The following SCNM1 variants were observed in gnomAD, a reference collection of about 807,000 sequenced individuals.
SCNM1 encodes sodium channel modifier 1.
A neutral mutation model predicts 32.8 loss-of-function variants in SCNM1; 24 were observed. That is an observed-to-expected ratio of 0.73 (90% CI 0.53 to 1.03). The LOEUF is 1.03. Among genes scored for constraint, SCNM1 ranks in the 50% least tolerant of loss-of-function variants. The pLI is 0.00. For synonymous variants in SCNM1, 99 were observed against 103.2 expected (o/e 0.96, Z 0.25); for missense variants, 274 against 282.3 (o/e 0.97, Z 0.21).
rs1352734415 is a variant in SCNM1 at position 151,167,228 on chromosome 1, G to C, written c.309+10G>C. 6.2e-7 allele frequency: 1 copy of C among 1,614,194 alleles called. No individual in the cohort carries two copies. On this transcript the variant is annotated intron_variant, in intron 4 of 6. Transcript: ENST00000368905. Reference sequence around the variant, plus strand: ...AGAAACCAAAGCTGAGGTAATCAGAGAGTGGAGAGTGTGTTCTAGGCAAGA... The same window carrying C: ...AGAAACCAAAGCTGAGGTAATCAGACAGTGGAGAGTGTGTTCTAGGCAAGA...
At chr1:151,166,419 C>T (rs920594885) in intron 1 of SCNM1, 52 bp from the exon 2 acceptor site, 1 of 1,611,070 alleles carries the variant, frequency 6.2e-7, no homozygotes, top group Non-Finnish European at 8.5e-7. Flanking sequence ...ACTTCCACCC[C>T]TCTCTCCTAT....
rs746301499 is a variant in SCNM1, at chr1:151,166,989, A to T, written c.178A>T (p.Thr60Ser). 1 of 1,614,090 alleles carries T rather than the reference A, an allele frequency of 6.2e-7. No homozygotes were observed. Among genetic ancestry groups the T allele is most frequent in the South Asian group, 1.1e-5 (1 of 91,070 alleles). ...RPVLDTLAMLTAHRAGKKHLS... is the reference protein window; with the variant it reads ...RPVLDTLAMLSAHRAGKKHLS... ...GGTACTGGACACCCTGGCCATGCTG[A>T]CTGCCCACCGTGCAGGCAAGAAACA... Residue 60 changes from threonine to serine, a missense_variant, in exon 3 of 7, where the codon ACT becomes TCT. Coordinates refer to ENST00000368905, the MANE Select transcript of SCNM1 (RefSeq NM_024041.4).
In SCNM1 at chr1:151,168,137, T is replaced by C; in HGVS notation, c.399-7T>C. 6.2e-7 allele frequency: 1 copy of C among 1,603,550 alleles called. No homozygotes were observed. ...ACTGCTTTTACAGACTATTCTTCTC[T>C]ACCTAGACCAGAAGCCCCTGGTCCC... On this transcript the variant is annotated splice_polypyrimidine_tract_variant and splice_region_variant and intron_variant, in intron 5 of 6. Coordinates refer to ENST00000368905, the MANE Select transcript of SCNM1 (RefSeq NM_024041.4).
Position 151,167,148 on chromosome 1 carries a change from A to G in SCNM1, c.239A>G (p.Gln80Arg), listed in dbSNP as rs1683744185. The G allele has an allele frequency of 6.2e-7, 1 of 1,614,120 alleles. No individual in the cohort carries two copies. Among genetic ancestry groups the G allele is most frequent in the African/African-American group, 1.3e-5 (1 of 74,942 alleles). The part of the protein sequence containing the change: ...SSLQLFYGKK[Q>R]PGKERKQNPK... ...TTGCAGCTTTTCTATGGCAAGAAGCAGCCGGGAAAGGAAAGAAAGCAGAAT... is the reference window on the plus strand; with the variant it reads ...TTGCAGCTTTTCTATGGCAAGAAGCGGCCGGGAAAGGAAAGAAAGCAGAAT... Residue 80 changes from glutamine to arginine, a missense_variant, in exon 4 of 7, where the codon CAG (glutamine) becomes CGG (arginine). Physicochemically the swap from Gln to Arg is conservative, Grantham distance 43. Transcript: ENST00000368905.
In SCNM1 at chr1:151,167,361, G is replaced by A; in HGVS notation, c.345G>A (p.Gln115=). 1 of 1,614,150 alleles carries A rather than the reference G, an allele frequency of 6.2e-7. No homozygotes were observed. The highest frequency in any genetic ancestry group is 8.5e-7 in the Non-Finnish European group (1 of 1,180,036). The change falls in exon 5 of 7, where the codon CAG becomes CAA. Residue 115 remains glutamine (Q), a synonymous_variant. Transcript: ENST00000368905. ...PLLTQTRLIT[Q]SALHRAPHYN... is the part of the protein sequence containing the mutation. ...TAACTCAGACACGACTTATCACCCA[G>A]AGTGCTCTGCACAGAGCTCCCCACT...
At position 151,170,016 on chromosome 1, in the gene SCNM1, G is replaced by T; in HGVS notation, c.*931G>T. 6.3e-7 allele frequency: 1 copy of T among 1,583,218 alleles called. No homozygotes were observed. Among genetic ancestry groups the T allele is most frequent in the South Asian group, 1.1e-5 (1 of 90,344 alleles). ...TAGAAGGGCTTTTATTTACAGGAAA[G>T]GAGGACAGATGAGGATTTAAGTGTC... On this transcript the variant is annotated 3_prime_UTR_variant, in exon 7 of 7. Coordinates refer to ENST00000368905, the MANE Select transcript of SCNM1 (RefSeq NM_024041.4).
chr1:151,166,787 C>A, intron 2 of SCNM1, 147 bp from the exon 3 acceptor site: 1 of 1,318,802 alleles, frequency 7.6e-7, no homozygotes, highest in Non-Finnish European at 1.0e-6. Flanking sequence ...GATTCTTTGG[C>A]GGCCAGTGAG....
At chr1:151,167,845 A>T in intron 5 of SCNM1, 1 of 314,900 alleles carries the variant, frequency 3.2e-6, no homozygotes. Context: ...AAAAAAAGAA[A>T]AGAAAGAAAA....
At chr1:151,166,677 T>C in intron 2 of SCNM1, 136 bp downstream of exon 2, 1 of 1,407,198 alleles carries the variant, frequency 7.1e-7, no homozygotes. Context: ...CAAGTGATCC[T>C]GCCTCCTCAG....
intron 6 of SCNM1, among the ~76,000 whole-genome samples, chr1:151,168,698 G>A (rs915652545): frequency 6.7e-5 from 10 of 150,326 alleles, no homozygotes; most frequent in East Asian, 2.0e-4. Context: ...GTGAGCCACC[G>A]CACCCGGACT....
Position 151,166,960 on chromosome 1 carries a change from G to T in SCNM1, c.149G>T (p.Arg50Leu), listed in dbSNP as rs747578167. 1 of 1,614,028 alleles carries T rather than the reference G, an allele frequency of 6.2e-7. No homozygotes were observed. Among genetic ancestry groups the T allele is most frequent in the South Asian group, 1.1e-5 (1 of 91,066 alleles). Reference sequence around the variant, plus strand: ...TTTGCTTGTGCCATCTGCCCCCATCGACCGGTACTGGACACCCTGGCCATG... The same window carrying T: ...TTTGCTTGTGCCATCTGCCCCCATCTACCGGTACTGGACACCCTGGCCATG... ...GRFACAICPH[R>L]PVLDTLAMLT... The change falls in exon 3 of 7, where the codon CGA becomes CTA. Residue 50 changes from arginine to leucine, a missense_variant. Coordinates refer to ENST00000368905, the MANE Select transcript of SCNM1 (RefSeq NM_024041.4).
rs893900018 is a variant in SCNM1, at chr1:151,168,399, G to A, written c.593+61G>A. ...TTCTCTCTGACACCCTTGTTTCAAA[G>A]CTATTGTTTTTCCTTTTTTTTTTTT... On this transcript the variant is annotated intron_variant, in intron 6 of 6. Transcript: ENST00000368905. 6 of 1,502,560 alleles carry A rather than the reference G, an allele frequency of 4.0e-6. No homozygotes were observed. In the African/African-American group the frequency reaches 7.1e-5, roughly 18 times the overall value. 93.1% of individuals were successfully genotyped at this position (1,502,560 alleles called of 1,614,324 possible). A position where few individuals can be genotyped will look rare whatever the true frequency, so the allele number is the denominator to read the frequency against.
In SCNM1 at chr1:151,169,167, T is replaced by G; in HGVS notation, c.*82T>G. On this transcript the variant is annotated 3_prime_UTR_variant, in exon 7 of 7. Transcript: ENST00000368905. ...TCCTTAAGTCTGGTTCCTTGTTGGA[T>G]CTCAGGATTTCAGATCTGTTCATTC... 3.3e-6 allele frequency: 5 copies of G among 1,525,254 alleles called. No homozygotes were observed. The highest frequency in any genetic ancestry group is 1.1e-5 in the South Asian group (1 of 86,976). The allele number at this position is 1,525,254 out of a possible 1,614,324, so 94.5% of individuals were successfully genotyped here.
chr1:151,168,053 A>G (rs997558538), intron 5 of SCNM1, 91 bp from the exon 6 acceptor site: 2 of 1,317,618 alleles, frequency 1.5e-6, no homozygotes, highest in South Asian at 1.7e-5. Flanking sequence ...TGAGAAATAT[A>G]GTTTAAGAAG....
At chr1:151,166,772 C>T in intron 2 of SCNM1, 162 bp from the exon 3 acceptor site, 1 of 1,265,764 alleles carries the variant, frequency 7.9e-7, no homozygotes. Flanking sequence ...AGCAGGAGTA[C>T]CTAGGATTCT....
At chr1:151,168,956 G>T in intron 6 of SCNM1, 30 bp from the exon 7 acceptor site, 1 of 1,613,400 alleles carries the variant, frequency 6.2e-7, no homozygotes, top group South Asian at 1.1e-5. Flanking sequence ...CCTCTTTCCT[G>T]ATCGATGCTA....
intron 2 of SCNM1, 116 bp from the exon 3 acceptor site, chr1:151,166,818 G>A (rs1375458023): frequency 6.2e-6 from 9 of 1,462,742 alleles, no homozygotes; most frequent in Non-Finnish European, 8.4e-6. Flanking sequence ...AGTGGAGATT[G>A]GGTCACCAGG....
chr1:151,170,173 T>C lies in SCNM1; in HGVS notation c.*1088T>C. ...GCTTTCTGCAAAGGCACTCTTCTCC[T>C]TTCCAGTCCCTTAGCCAAACTCATA... On this transcript the variant is annotated 3_prime_UTR_variant, in exon 7 of 7. Transcript: ENST00000368905. 1 of 1,583,144 alleles carries C rather than the reference T, an allele frequency of 6.3e-7. No individual in the cohort carries two copies. Among genetic ancestry groups the C allele is most frequent in the Non-Finnish European group, 8.7e-7 (1 of 1,152,422 alleles).
At chr1:151,166,325 C>CTG in intron 1 of SCNM1, 122 bp downstream of exon 1, 2 of 1,536,670 alleles carry the variant, frequency 1.3e-6, no homozygotes, top group Non-Finnish European at 1.8e-6. Context: ...CGACTTAGAG[C>CTG]TGTGTAGTGA....
Sources: gnomAD v4.1 joint callset for allele counts (sites outside exome capture counted in the v4.1 genomes callset) on GRCh38, gnomAD v4.1.1 for gene constraint, MANE v1.5 for transcripts, NCBI Gene and HGNC (gene_info 2026-07-23, HGNC 2026-07-21) for gene names.